CCDC9: variants seen among roughly 807,000 people sequenced by gnomAD.
CCDC9 encodes the protein coiled-coil domain-containing protein 9.
A neutral mutation model predicts 65.6 loss-of-function variants in CCDC9; 52 were observed. The ratio of observed to expected loss-of-function variants is 0.79; its 90% CI spans 0.63 to 1.00. CCDC9 has a LOEUF of 1.00. Among genes scored for constraint, CCDC9 ranks in the 50% least tolerant of loss-of-function variants. The probability of loss-of-function intolerance (pLI) is 0.00; values close to 1 mark genes in which losing one functional copy is unlikely to be tolerated. For missense variants in CCDC9, 834 were observed against 757.2 expected (o/e 1.10, Z -1.19); for synonymous variants, 332 against 280.3 (o/e 1.18, Z -1.84).
At position 47,264,588 on chromosome 19, in the gene CCDC9, T is replaced by C. The variant is rs1211267003; in HGVS notation, c.463-15T>C. ...TTCTCCCTGAAGCTGGGTGTCCCTATCTTTATCCCCCCAGGAGTGGGAGGA... is the reference window on the plus strand; with the variant it reads ...TTCTCCCTGAAGCTGGGTGTCCCTACCTTTATCCCCCCAGGAGTGGGAGGA... On this transcript the variant is annotated splice_polypyrimidine_tract_variant and intron_variant, in intron 5 of 11. Coordinates refer to ENST00000221922, the MANE Select transcript of CCDC9 (RefSeq NM_015603.3). The C allele has an allele frequency of 6.3e-7, 1 of 1,580,238 alleles. No homozygotes were observed. Among genetic ancestry groups the C allele is most frequent in the Non-Finnish European group, 8.6e-7 (1 of 1,162,966 alleles).
chr19:47,275,399 C>A (rs945918947), downstream of CCDC9: 2 of 1,513,108 alleles, frequency 1.3e-6, no homozygotes, highest in African/African-American at 2.9e-5. Flanking sequence ...GCTCTGTGCT[C>A]CACGCCGAGG....
rs1391156527 is a variant in CCDC9, at chr19:47,258,348, C to T, written c.-53C>T. The T allele has an allele frequency of 6.2e-7, 1 of 1,608,892 alleles. No individual in the cohort carries two copies. The highest frequency in any genetic ancestry group is 8.5e-7 in the Non-Finnish European group (1 of 1,175,458). On this transcript the variant is annotated 5_prime_UTR_variant, in exon 2 of 12. Coordinates refer to ENST00000221922, the MANE Select transcript of CCDC9 (RefSeq NM_015603.3). ...TCCCCAGGAACCCTCAGTGCTGCGT[C>T]TAGATTCTGCAGGGGAGGTTTGCTG... is the stretch of plus-strand genomic sequence containing the variant.
At chr19:47,268,667 C>T (rs2059097283) in intron 8 of CCDC9, among the ~76,000 whole-genome samples, 1 of 152,066 alleles carries the variant, frequency 6.6e-6, no homozygotes, top group East Asian at 1.9e-4. Flanking sequence ...TCTGTAATCC[C>T]AGCACTTTGG....
Position 47,258,677 on chromosome 19 carries a change from G to C in CCDC9, c.108+14G>C, listed in dbSNP as rs756381152. 6.3e-6 allele frequency: 10 copies of C among 1,596,236 alleles called. No individual in the cohort carries two copies. Among genetic ancestry groups the C allele is most frequent in the South Asian group, 1.1e-5 (1 of 90,754 alleles). On this transcript the variant is annotated intron_variant, in intron 3 of 11. Transcript: ENST00000221922. ...CGGCGCTACCAGGTGCCCTAGCCCCGCCCTGGGAGACCCCATCCCCTCTCT... is the reference window on the plus strand; with the variant it reads ...CGGCGCTACCAGGTGCCCTAGCCCCCCCCTGGGAGACCCCATCCCCTCTCT...
At chr19:47,259,413 G>T (rs2059030896) in intron 3 of CCDC9, among the ~76,000 whole-genome samples, 1 of 152,084 alleles carries the variant, frequency 6.6e-6, no homozygotes, top group Admixed American at 6.6e-5. Context: ...GCGAGGAGGT[G>T]ATACTGGAGC....
At chr19:47,261,535 C>T (rs2059045663) in intron 5 of CCDC9, among the ~76,000 whole-genome samples, 1 of 151,878 alleles carries the variant, frequency 6.6e-6, no homozygotes, top group Admixed American at 6.6e-5. Flanking sequence ...GGTTCTAGCA[C>T]TTACACGGGA....
intron 7 of CCDC9, among the ~76,000 whole-genome samples, chr19:47,265,287 T>TTG (rs1277023775): frequency 1.3e-5 from 2 of 152,158 alleles, no homozygotes; most frequent in Admixed American, 6.5e-5. Context: ...ACTCCTGACC[T>TTG]CAAGTGATCC....
chr19:47,264,356 T>C (rs1401058360), intron 5 of CCDC9, among the ~76,000 whole-genome samples: 1 of 152,204 alleles, frequency 6.6e-6, no homozygotes, highest in Admixed American at 6.5e-5. Context: ...GTCTAGTATG[T>C]ACTGAAATTC....
downstream of CCDC9, chr19:47,272,310 G>C (rs2059129174): frequency 2.0e-6 from 1 of 499,828 alleles, no homozygotes; most frequent in Admixed American, 4.5e-5. Context: ...CTCGGATAGG[G>C]ATGGGGGGCT....
intron 8 of CCDC9, 66 bp downstream of exon 8, chr19:47,266,858 A>T (rs893167056): frequency 2.0e-6 from 3 of 1,528,686 alleles, no homozygotes; most frequent in Non-Finnish European, 1.8e-6. Context: ...TCTAAGTCCT[A>T]TGCCTCTCTC....
In CCDC9 at chr19:47,266,606, G is replaced by A. The variant is rs2123467807; in HGVS notation, c.721-5G>A. On this transcript the variant is annotated splice_polypyrimidine_tract_variant and splice_region_variant and intron_variant, in intron 7 of 11. Transcript: ENST00000221922. ...CACCCTGACTCCCTGTGGGCTGGGGGGCAGGGCCGCCGAGCTGGCCTGGGC... is the reference window on the plus strand; with the variant it reads ...CACCCTGACTCCCTGTGGGCTGGGGAGCAGGGCCGCCGAGCTGGCCTGGGC... 1.3e-6 allele frequency: 2 copies of A among 1,521,204 alleles called. No individual in the cohort carries two copies. The highest frequency in any genetic ancestry group is 2.4e-5 in the East Asian group (1 of 40,832). 94.2% of individuals were successfully genotyped at this position (1,521,204 alleles called of 1,614,324 possible).
downstream of CCDC9, chr19:47,275,160 G>A: frequency 2.0e-6 from 3 of 1,480,338 alleles, no homozygotes; most frequent in Non-Finnish European, 2.7e-6. Flanking sequence ...TGCCCGCCCG[G>A]GCGTGCCGCC....
At chr19:47,272,032 C>T (rs974366545), downstream of CCDC9, 13 of 1,236,592 alleles carry the variant, frequency 1.1e-5, no homozygotes, top group African/African-American at 4.7e-5. Context: ...AGATGTCAGG[C>T]GGGAAAGGGG....
downstream of CCDC9, chr19:47,274,009 C>T (rs892438525): frequency 3.1e-6 from 3 of 982,658 alleles, no homozygotes; most frequent in African/African-American, 5.2e-5. Context: ...GGGACTGAAG[C>T]TTCCCCGCCT....
chr19:47,260,414 G>A lies in CCDC9; in HGVS notation c.202G>A (p.Val68Met). The change falls in exon 4 of 12, where the codon GTG becomes ATG. Residue 68 changes from valine (V) to methionine (M), a missense_variant. Physicochemically the swap from Val to Met is conservative, Grantham distance 21. Transcript: ENST00000221922. ...GRSVEKENVA[V>M]ESEKNLGPSR... ...CTCAGTGGAGAAGGAGAACGTGGCA[G>A]TGGAGTCGGTGAGCTCGTCACTGGG... The A allele has an allele frequency of 6.2e-7, 1 of 1,608,210 alleles. No homozygotes were observed. Among genetic ancestry groups the A allele is most frequent in the Non-Finnish European group, 8.5e-7 (1 of 1,177,334 alleles).
At chr19:47,262,926 A>C (rs890948176) in intron 5 of CCDC9, among the ~76,000 whole-genome samples, 13 of 151,884 alleles carry the variant, frequency 8.6e-5, no homozygotes, top group Admixed American at 3.3e-4. Flanking sequence ...TCTCTATAAA[A>C]ATTTTAAAAA....
Position 47,271,859 on chromosome 19 carries a change from T to G in CCDC9, c.*181T>G. On this transcript the variant is annotated 3_prime_UTR_variant, in exon 12 of 12. Transcript: ENST00000221922. ...TGAGGGGGTAGCGCAGCCCATGCTC[T>G]TCTGTACTGTCATGCCCGTCTCTGG... 7.2e-7 allele frequency: 1 copy of G among 1,381,784 alleles called. No individual in the cohort carries two copies. The highest frequency in any genetic ancestry group is 9.3e-7 in the Non-Finnish European group (1 of 1,071,542). The allele number at this position is 1,381,784 out of a possible 1,614,324, so 85.6% of individuals were successfully genotyped here. A position where few individuals can be genotyped will look rare whatever the true frequency, so the allele number is the denominator to read the frequency against.
intron 7 of CCDC9, among the ~76,000 whole-genome samples, 199 bp downstream of exon 7, chr19:47,265,145 C>T (rs943290728): frequency 1.3e-5 from 2 of 152,104 alleles, no homozygotes; most frequent in Non-Finnish European, 2.9e-5. Flanking sequence ...GCAGCCTTTG[C>T]CTCCTGGGCT....
chr19:47,265,228 C>A (rs1192775700), intron 7 of CCDC9, among the ~76,000 whole-genome samples: 2 of 151,962 alleles, frequency 1.3e-5, no homozygotes, highest in Admixed American at 6.6e-5. Flanking sequence ...CTAATTTTTT[C>A]GTATTTTGTA....
Sources: allele counts gnomAD v4.1 joint callset (sites outside exome capture counted in the v4.1 genomes callset), GRCh38; gene constraint gnomAD v4.1.1; transcripts MANE v1.5; gene names NCBI Gene and HGNC (gene_info 2026-07-23, HGNC 2026-07-21).